Variants in ERC1 observed in about 807,000 individuals in gnomAD.
The protein encoded by ERC1 is ELKS/RAB6-interacting/CAST family member 1.
ERC1 carries 56 observed loss-of-function variants against 132.0 expected under a neutral mutation model. The observed-to-expected ratio is 0.42, with a 90% CI of 0.34 to 0.53. The LOEUF (loss-of-function observed/expected upper bound fraction) is 0.53, where lower values mean the gene tolerates loss of function less well. Among genes scored for constraint, ERC1 ranks in the 20% least tolerant of loss-of-function variants. The probability of loss-of-function intolerance (pLI) is 0.03; values close to 1 mark genes in which losing one functional copy is unlikely to be tolerated. For missense variants in ERC1, 1,202 were observed against 1,349.9 expected (o/e 0.89, Z 1.72); for synonymous variants, 478 against 476.1 (o/e 1.00, Z -0.05).
At chr12:1,200,809 C>A (rs1192212322) in intron 12 of ERC1, among the ~76,000 whole-genome samples, 1 of 152,162 alleles carries the variant, frequency 6.6e-6, no homozygotes, top group Non-Finnish European at 1.5e-5. Flanking sequence ...CCGCCCGCCT[C>A]GGCCTCCCAA....
At chr12:1,201,343 A>T (rs1956898681) in intron 12 of ERC1, among the ~76,000 whole-genome samples, 1 of 152,200 alleles carries the variant, frequency 6.6e-6, no homozygotes, top group African/African-American at 2.4e-5. Flanking sequence ...AATTGATGTT[A>T]AGAATGCATT....
chr12:1,340,146 T>C (rs1391285611), intron 15 of ERC1, among the ~76,000 whole-genome samples: 1 of 152,122 alleles, frequency 6.6e-6, no homozygotes, highest in Admixed American at 6.5e-5. Flanking sequence ...GGAGCTATAA[T>C]GACAGCCTCC....
At chr12:1,115,780 T>C (rs1946380497) in intron 6 of ERC1, 86 bp from the exon 7 acceptor site, 1 of 1,162,440 alleles carries the variant, frequency 8.6e-7, no homozygotes, top group Non-Finnish European at 1.2e-6. Flanking sequence ...TAGTTTCATA[T>C]TTTGTGACTC....
At chr12:1,119,916 A>G (rs868208992) in intron 7 of ERC1, among the ~76,000 whole-genome samples, 1 of 152,100 alleles carries the variant, frequency 6.6e-6, no homozygotes, top group African/African-American at 2.4e-5. Flanking sequence ...GATAATAACA[A>G]CTTCCTAAGG....
intron 16 of ERC1, among the ~76,000 whole-genome samples, chr12:1,387,380 G>GC (rs2089491794): frequency 6.6e-6 from 1 of 152,068 alleles, no homozygotes; most frequent in South Asian, 2.1e-4. Context: ...TAGATGGAAT[G>GC]CCCCCCAAAA....
At chr12:1,446,381 A>G (rs2154411947) in intron 18 of ERC1, among the ~76,000 whole-genome samples, 1 of 152,294 alleles carries the variant, frequency 6.6e-6, no homozygotes, top group East Asian at 1.9e-4. Context: ...ATTAACTTAA[A>G]GCTCCTTTTG....
intron 8 of ERC1, among the ~76,000 whole-genome samples, chr12:1,171,417 C>A (rs1422833154): frequency 7.2e-6 from 1 of 138,494 alleles, no homozygotes; most frequent in African/African-American, 2.7e-5. Context: ...ACATTTTGTC[C>A]GAGTGTCTGA....
In ERC1 at chr12:1,421,953, G is replaced by A. The variant is rs141746354; in HGVS notation, c.3024+13706G>A. The stretch of plus-strand genomic sequence containing the variant: ...AGGCAGGAGAATTGCTTGAACCAGG[G>A]AGGCAGAGGTTGTAGTAAGCCGAGA... On this transcript the variant is annotated intron_variant, in intron 17 of 18. Transcript: ENST00000360905. 2.3e-3 allele frequency among the ~76,000 whole-genome samples: 351 copies of A among 152,318 alleles called. 4 individuals carry two copies. The East Asian group carries it at 0.028, about 12-fold the overall frequency.
chr12:1,228,955 A>C (rs1364458119), intron 12 of ERC1, among the ~76,000 whole-genome samples: 1 of 152,156 alleles, frequency 6.6e-6, no homozygotes, highest in African/African-American at 2.4e-5. Flanking sequence ...CATCAGTACT[A>C]TTGACCTGTA....
intron 7 of ERC1, among the ~76,000 whole-genome samples, chr12:1,138,552 T>C (rs1336287434): frequency 6.6e-6 from 1 of 151,692 alleles, no homozygotes; most frequent in Non-Finnish European, 1.5e-5. Context: ...TTGGAAAATA[T>C]TTATTAAAAT....
Position 1,111,948 on chromosome 12 carries a change from C to A in ERC1, c.1318-267C>A, listed in dbSNP as rs1945917361. 2.0e-5 allele frequency among the ~76,000 whole-genome samples: 3 copies of A among 152,028 alleles called. No homozygotes were observed. The South Asian group carries it at 6.2e-4, about 32-fold the overall frequency. On this transcript the variant is annotated intron_variant, in intron 5 of 18. Transcript: ENST00000360905. ...ACTTTCTATTAGTTTGGATTTTTCA[C>A]CCTGATTTGAGAACAAGACATAGTG...
intron 2 of ERC1, among the ~76,000 whole-genome samples, chr12:1,057,389 G>A (rs1472304588): frequency 6.6e-6 from 1 of 152,090 alleles, no homozygotes; most frequent in Non-Finnish European, 1.5e-5. Context: ...CTCCTGGAAA[G>A]CGCTGGGCTT....
At chr12:1,107,844 G>C (rs1243446634) in intron 4 of ERC1, among the ~76,000 whole-genome samples, 1 of 152,110 alleles carries the variant, frequency 6.6e-6, no homozygotes, top group Non-Finnish European at 1.5e-5. Flanking sequence ...GGGTGTTATT[G>C]ACCTTCACTG....
chr12:1,253,448 G>A (rs1014634092), intron 13 of ERC1, among the ~76,000 whole-genome samples: 3 of 152,092 alleles, frequency 2.0e-5, no homozygotes, highest in African/African-American at 4.8e-5. Context: ...AAGCCGAGGC[G>A]GGCAGATCAC....
intron 11 of ERC1, among the ~76,000 whole-genome samples, chr12:1,188,866 G>A (rs776699968): frequency 2.6e-5 from 4 of 152,062 alleles, no homozygotes; most frequent in African/African-American, 4.8e-5. Flanking sequence ...AAAATAAAAC[G>A]TCTAAGCTTT....
intron 18 of ERC1, among the ~76,000 whole-genome samples, chr12:1,484,582 C>T (rs2154433088): frequency 8.1e-6 from 1 of 123,150 alleles, no homozygotes; most frequent in South Asian, 2.4e-4. Context: ...TTTTTCTTTT[C>T]CTTTTTTTTT....
At chr12:1,121,711 GTCTCTA>G (rs1256113451) in intron 7 of ERC1, among the ~76,000 whole-genome samples, 9 of 40,500 alleles carry the variant, frequency 2.2e-4, no homozygotes, top group African/African-American at 8.6e-4. Context: ...CTCTATCTGT[GTCTCTA>G]TCTCTATCTC....
At chr12:1,111,138 G>GTGCA (rs1344713594) in intron 5 of ERC1, among the ~76,000 whole-genome samples, 1 of 152,034 alleles carries the variant, frequency 6.6e-6, no homozygotes, top group Non-Finnish European at 1.5e-5. Flanking sequence ...TGCTTCCCAT[G>GTGCA]TGCACTTCAG....
chr12:1,437,342 C>T (rs2092976957), intron 17 of ERC1, among the ~76,000 whole-genome samples: 1 of 152,194 alleles, frequency 6.6e-6, no homozygotes, highest in Non-Finnish European at 1.5e-5. Flanking sequence ...GTGCTGTCCT[C>T]ATCTGTATAT....
Sources: allele counts gnomAD v4.1 joint callset (sites outside exome capture counted in the v4.1 genomes callset), GRCh38; gene constraint gnomAD v4.1.1; transcripts MANE v1.5; gene names NCBI Gene and HGNC (gene_info 2026-07-23, HGNC 2026-07-21).